ABCC9: variants seen among roughly 807,000 people sequenced by gnomAD.
ABCC9 encodes the protein ATP-binding cassette sub-family C member 9.
In ABCC9, 95 loss-of-function variants were observed where a neutral mutation model predicts 188.3. The ratio of observed to expected loss-of-function variants is 0.50; its 90% CI spans 0.43 to 0.60. The LOEUF (loss-of-function observed/expected upper bound fraction) is 0.60, where lower values mean the gene tolerates loss of function less well. Among genes scored for constraint, ABCC9 ranks in the 20% least tolerant of loss-of-function variants. The pLI is 0.00. For synonymous variants in ABCC9, 659 were observed against 652.7 expected, an observed-to-expected ratio of 1.01 and a Z score of -0.15; for missense variants, 1,102 against 1,876.3, an observed-to-expected ratio of 0.59 and a Z score of 7.62.
At chr12:21,884,782 T>TAG (rs1555101906) in intron 15 of ABCC9, among the ~76,000 whole-genome samples, 53,714 of 152,078 alleles carry the variant, frequency 0.35, 11,062 homozygotes, top group Middle Eastern at 0.47. Flanking sequence ...TATTTTGACT[T>TAG]AGAGAGGAGG....
chr12:21,813,738 G>A (rs981327404), intron 35 of ABCC9, among the ~76,000 whole-genome samples: 3 of 152,134 alleles, frequency 2.0e-5, no homozygotes, highest in Non-Finnish European at 4.4e-5. Flanking sequence ...AGTTTACCTT[G>A]TTCCTGAATC....
chr12:21,800,413 T>TAAAAATATCC lies in ABCC9; in HGVS notation c.*621_*630dup, dbSNP rs1302888269. The stretch of plus-strand genomic sequence containing the variant: ...AAAAATGAAAATTCGAGTATAGTTT[T>TAAAAATATCC]AAAAATATCCAAACTCTTCATGATC... On this transcript the variant is annotated 3_prime_UTR_variant, in exon 40 of 40. Coordinates refer to ENST00000261200, the MANE Select transcript of ABCC9 (RefSeq NM_020297.4). 1.3e-5 allele frequency: 2 copies of TAAAAATATCC among 152,288 alleles called. No homozygotes were observed. Among genetic ancestry groups the TAAAAATATCC allele is most frequent in the Non-Finnish European group, 2.9e-5 (2 of 68,116 alleles). The allele number at this position is 152,288 out of a possible 1,614,324, so 9.4% of individuals were successfully genotyped here. A position where few individuals can be genotyped will look rare whatever the true frequency, so the allele number is the denominator to read the frequency against.
At chr12:21,841,112 T>C (rs1944362556) in intron 29 of ABCC9, among the ~76,000 whole-genome samples, 1 of 152,204 alleles carries the variant, frequency 6.6e-6, no homozygotes. Context: ...TCATGTGGCT[T>C]AACACAGCTA....
At chr12:21,894,242 A>G in intron 13 of ABCC9, 68 bp from the exon 14 acceptor site, 1 of 1,541,484 alleles carries the variant, frequency 6.5e-7, no homozygotes, top group Non-Finnish European at 9.0e-7. Flanking sequence ...ATTCAGTCCT[A>G]GAAACCTAAC....
At chr12:21,803,715 T>C (rs1297188816) in intron 39 of ABCC9, among the ~76,000 whole-genome samples, 1 of 151,880 alleles carries the variant, frequency 6.6e-6, no homozygotes, top group East Asian at 1.9e-4. Flanking sequence ...ATATAGTTGG[T>C]TTTTATTCCA....
At position 21,912,356 on chromosome 12, in the gene ABCC9, G is replaced by T. The variant is rs1948362324; in HGVS notation, c.1011+516C>A. On this transcript the variant is annotated intron_variant, in intron 8 of 39. Transcript: ENST00000261200. The stretch of plus-strand genomic sequence containing the variant: ...AAACACGCAGTATTTTAACTATATA[G>T]CCCCAATATAATAACATAATGTCTA... Among the ~76,000 whole-genome samples the T allele has an allele frequency of 2.6e-5, 4 of 151,848 alleles. No individual in the cohort carries two copies. In the South Asian group the frequency reaches 8.3e-4, roughly 32 times the overall value.
chr12:21,815,982 C>CAT (rs956749738), intron 33 of ABCC9, 89 bp from the exon 34 acceptor site: 66 of 683,090 alleles, frequency 9.7e-5, no homozygotes, highest in East Asian at 8.2e-4. Context: ...TACATTTATA[C>CAT]ATATATATAT....
chr12:21,872,301 CTTATT>C (rs2137579070), intron 18 of ABCC9, among the ~76,000 whole-genome samples: 1 of 152,268 alleles, frequency 6.6e-6, no homozygotes, highest in Non-Finnish European at 1.5e-5. Flanking sequence ...TTTTCCATAA[CTTATT>C]TTGTTATAGA....
rs146742617 is a variant in ABCC9, at chr12:21,876,712, G to A, written c.2020-986C>T. ...GATGAAGTAGACACAGATGAGGGGA[G>A]GAAAGGCTCCTAAAAATCAGGAGAA... On this transcript the variant is annotated intron_variant, in intron 16 of 39. Coordinates refer to ENST00000261200, the MANE Select transcript of ABCC9 (RefSeq NM_020297.4). Among the ~76,000 whole-genome samples the A allele has an allele frequency of 7.2e-4, 109 of 152,224 alleles. 1 individual carries two copies. The highest frequency in any genetic ancestry group is 2.5e-3 in the African/African-American group (104 of 41,546).
intron 24 of ABCC9, 51 bp from the exon 25 acceptor site, chr12:21,848,297 G>T: frequency 6.7e-7 from 1 of 1,496,954 alleles, no homozygotes; most frequent in South Asian, 1.1e-5. Flanking sequence ...AATAGGTTGT[G>T]ACTTATCAAT....
intron 14 of ABCC9, among the ~76,000 whole-genome samples, chr12:21,891,944 C>A (rs1026332813): frequency 6.6e-6 from 1 of 152,182 alleles, no homozygotes; most frequent in Non-Finnish European, 1.5e-5. Flanking sequence ...GTTCCCAGAA[C>A]TAGCACACAG....
chr12:21,906,043 T>C lies in ABCC9; in HGVS notation c.1618+83A>G. 6 of 1,452,312 alleles carry C rather than the reference T, an allele frequency of 4.1e-6. No homozygotes were observed. In the South Asian group the frequency reaches 5.8e-5, roughly 14 times the overall value. The allele number at this position is 1,452,312 out of a possible 1,614,324, so 90.0% of individuals were successfully genotyped here. On this transcript the variant is annotated intron_variant, in intron 12 of 39. Coordinates refer to ENST00000261200, the MANE Select transcript of ABCC9 (RefSeq NM_020297.4). ...GTCCTTGAAGAACTAGAATGTTTCA[T>C]TGATCACAATCTAAACTGAATAGAC... is the stretch of plus-strand genomic sequence containing the variant.
At chr12:21,908,319 G>T in intron 10 of ABCC9, 108 bp from the exon 11 acceptor site, 5 of 1,374,112 alleles carry the variant, frequency 3.6e-6, no homozygotes, top group Non-Finnish European at 5.1e-6. Context: ...TTATTATATT[G>T]TTTATTTGGA....
chr12:21,915,514 A>ATATATATATATATATATTTTTT, intron 7 of ABCC9, among the ~76,000 whole-genome samples, 154 bp downstream of exon 7: 1 of 3,520 alleles, frequency 2.8e-4, no homozygotes, highest in African/African-American at 1.1e-3. Context: ...ATATATATAT[A>ATATATATATATATATATTTTTT]TTTTTTTTTT....
chr12:21,933,037 G>A (rs1283762006), intron 4 of ABCC9, among the ~76,000 whole-genome samples: 1 of 83,958 alleles, frequency 1.2e-5, no homozygotes, highest in African/African-American at 4.4e-5. Flanking sequence ...ATACACTATG[G>A]AATACTATGC....
rs955109141 is a variant in ABCC9, at chr12:21,815,212, G to T, written c.4024-490C>A. Among the ~76,000 whole-genome samples, 7 of 150,082 alleles carry T rather than the reference G, an allele frequency of 4.7e-5. No homozygotes were observed. In the Middle Eastern group the frequency reaches 0.011, roughly 228 times the overall value. On this transcript the variant is annotated intron_variant, in intron 34 of 39. Coordinates refer to ENST00000261200, the MANE Select transcript of ABCC9 (RefSeq NM_020297.4). ...AATAAAAAATAAAAATATAAAAACAGTTCTCACCAAATCTTCAATGATTTC... is the reference window on the plus strand; with the variant it reads ...AATAAAAAATAAAAATATAAAAACATTTCTCACCAAATCTTCAATGATTTC...
chr12:21,925,630 T>C (rs1317038921), intron 5 of ABCC9: 5 of 655,032 alleles, frequency 7.6e-6, no homozygotes, highest in Non-Finnish European at 1.4e-5. Flanking sequence ...ATTCTTAAAA[T>C]ACAACTTCTG....
At chr12:21,874,444 G>A (rs999831018) in intron 17 of ABCC9, among the ~76,000 whole-genome samples, 1 of 152,144 alleles carries the variant, frequency 6.6e-6, no homozygotes, top group Non-Finnish European at 1.5e-5. Context: ...ATGGAAAACA[G>A]TATAGAGGTT....
rs697250 is a variant in ABCC9, at chr12:21,864,488, G to A, written c.2199-11C>T. The A allele has an allele frequency of 3.2e-4, 500 of 1,568,436 alleles. 1 individual carries two copies. In the African/African-American group the frequency reaches 6.1e-3, roughly 19 times the overall value. On this transcript the variant is annotated splice_polypyrimidine_tract_variant and intron_variant, in intron 18 of 39. Coordinates refer to ENST00000261200, the MANE Select transcript of ABCC9 (RefSeq NM_020297.4). ...TCAGATTCATTTACACTGCAAGTAT[G>A]GCAAACAATGTTCATTAATTATGAA...
Sources: allele counts gnomAD v4.1 joint callset (sites outside exome capture counted in the v4.1 genomes callset), GRCh38; gene constraint gnomAD v4.1.1; transcripts MANE v1.5; gene names NCBI Gene and HGNC (gene_info 2026-07-23, HGNC 2026-07-21).